Variants in TBRG1 observed in about 807,000 individuals in gnomAD.
TBRG1 encodes the protein transforming growth factor beta regulator 1.
Under a neutral mutation model 44.0 loss-of-function variants are expected in TBRG1, and 31 were observed. The observed-to-expected ratio is 0.70, with a 90% CI of 0.53 to 0.95. The LOEUF (loss-of-function observed/expected upper bound fraction) is 0.95. TBRG1 is among the 40% of genes least tolerant of loss of function. TBRG1 has a pLI of 0.00. For synonymous variants in TBRG1, 171 were observed against 188.1 expected (o/e 0.91, Z 0.74); for missense variants, 487 against 496.1 (o/e 0.98, Z 0.18).
Position 124,633,829 on chromosome 11 carries a change from A to G in TBRG1, c.*1591A>G, listed in dbSNP as rs1463032371. 2 of 152,238 alleles carry G rather than the reference A, an allele frequency of 1.3e-5. No homozygotes were observed. Among genetic ancestry groups the G allele is most frequent in the Admixed American group, 6.5e-5 (1 of 15,286 alleles). 9.4% of individuals were successfully genotyped at this position (152,238 alleles called of 1,614,324 possible). On this transcript the variant is annotated 3_prime_UTR_variant, in exon 9 of 9. Transcript: ENST00000441174. The stretch of plus-strand genomic sequence containing the variant: ...AAATGATATATGCTGCTTTTATCAT[A>G]TAACAAATATTTTCCCACTATTACA...
rs1942452218 is a variant in TBRG1, at chr11:124,625,699, C to T, written c.250C>T (p.Gln84Ter). Residue 84 changes from glutamine (Q) to a stop codon, truncating the protein, a stop_gained, in exon 3 of 9, where the codon CAG becomes TAG. Transcript: ENST00000441174. LOFTEE classifies it high-confidence loss of function. ...CTTGCTAAAGAAGCTCCTCCAGCTTCAGGCTCTAACTGAAGGGGAAGTACA... is the reference window on the plus strand; with the variant it reads ...CTTGCTAAAGAAGCTCCTCCAGCTTTAGGCTCTAACTGAAGGGGAAGTACA... ...RYLLKKLLQL[Q>*]ALTEGEVQAA... 1 of 1,552,550 alleles carries T rather than the reference C, an allele frequency of 6.4e-7. No homozygotes were observed. The highest frequency in any genetic ancestry group is 8.7e-7 in the Non-Finnish European group (1 of 1,147,370).
intron 6 of TBRG1, 25 bp from the exon 7 acceptor site, chr11:124,630,720 C>T (rs1346816979): frequency 6.5e-7 from 1 of 1,528,690 alleles, no homozygotes; most frequent in Admixed American, 1.8e-5. Flanking sequence ...AGCTCTCAAA[C>T]TAAAATTATC....
chr11:124,627,824 A>G lies in TBRG1; in HGVS notation c.738+774A>G, dbSNP rs144517953. On this transcript the variant is annotated intron_variant, in intron 5 of 8. Coordinates refer to ENST00000441174, the MANE Select transcript of TBRG1 (RefSeq NM_032811.3). ...GAAAGACTCATTATTGTAACGGTAT[A>G]CCATATTTATAATACATCTTTAAAT... Among the ~76,000 whole-genome samples, 18 of 152,204 alleles carry G rather than the reference A, an allele frequency of 1.2e-4. No homozygotes were observed. The East Asian group carries it at 2.7e-3, about 23-fold the overall frequency.
At chr11:124,631,648 C>G (rs1942613057) in intron 8 of TBRG1, 4 of 564,756 alleles carry the variant, frequency 7.1e-6, no homozygotes. Context: ...CAGGGTACCC[C>G]AGAAACTAAG....
At chr11:124,623,305 C>T in intron 1 of TBRG1, 72 bp downstream of exon 1, 1 of 1,495,500 alleles carries the variant, frequency 6.7e-7, no homozygotes, top group Non-Finnish European at 9.1e-7. Flanking sequence ...AAGCTGTTCC[C>T]CCTTCCCAGT....
Position 124,622,903 on chromosome 11 carries a change from A to G in TBRG1, c.-181A>G, listed in dbSNP as rs962457001. On this transcript the variant is annotated 5_prime_UTR_variant, in exon 1 of 9. Transcript: ENST00000441174. ...CACGGAAGTGCTGGGAGGCGCCGGGAGCCCGTTCGGTTGCGGGTGTCTCTG... is the reference window on the plus strand; with the variant it reads ...CACGGAAGTGCTGGGAGGCGCCGGGGGCCCGTTCGGTTGCGGGTGTCTCTG... The G allele has an allele frequency of 7.9e-5, 49 of 620,568 alleles. No individual in the cohort carries two copies. The highest frequency in any genetic ancestry group is 1.0e-4 in the Admixed American group (3 of 29,674). The allele number at this position is 620,568 out of a possible 1,614,324, so 38.4% of individuals were successfully genotyped here.
intron 3 of TBRG1, among the ~76,000 whole-genome samples, chr11:124,626,115 G>T (rs535684017): frequency 6.6e-6 from 1 of 152,292 alleles, no homozygotes; most frequent in South Asian, 2.1e-4. Context: ...TTAAATGCAA[G>T]GGGAGCAGAC....
chr11:124,623,011 G>A lies in TBRG1; in HGVS notation c.-73G>A. 1 of 1,438,564 alleles carries A rather than the reference G, an allele frequency of 7.0e-7. No homozygotes were observed. Among genetic ancestry groups the A allele is most frequent in the Non-Finnish European group, 9.2e-7 (1 of 1,089,488 alleles). The allele number at this position is 1,438,564 out of a possible 1,614,324, so 89.1% of individuals were successfully genotyped here. A position where few individuals can be genotyped will look rare whatever the true frequency, so the allele number is the denominator to read the frequency against. On this transcript the variant is annotated 5_prime_UTR_variant, in exon 1 of 9. Transcript: ENST00000441174. ...CGCTAGCCCGGAACAGACAAAGCCAGCGCTCCCGCCCGCTCCCCGACTTAG... is the reference window on the plus strand; with the variant it reads ...CGCTAGCCCGGAACAGACAAAGCCAACGCTCCCGCCCGCTCCCCGACTTAG...
At position 124,630,745 on chromosome 11, in the gene TBRG1, G is replaced by C. The variant is rs142077518; in HGVS notation, c.837G>C (p.Met279Ile). The C allele has an allele frequency of 2.8e-4, 441 of 1,600,072 alleles. No individual in the cohort carries two copies. Among genetic ancestry groups the C allele is most frequent in the Non-Finnish European group, 3.6e-4 (419 of 1,172,182 alleles). Residue 279 changes from methionine (M) to isoleucine (I), a missense_variant and splice_region_variant, in exon 7 of 9, where the codon ATG (methionine) becomes ATC (isoleucine). By Grantham distance (10) the Met-to-Ile change is conservative. Transcript: ENST00000441174. ...AELLRTISTT[M>I]GKLMPNLLPA... ...CTAAAATTATCCCTCTCCTGTTTAG[G>C]GGGAAACTAATGCCTAACCTGCTTC... is the stretch of plus-strand genomic sequence containing the variant.
intron 5 of TBRG1, among the ~76,000 whole-genome samples, chr11:124,627,831 T>C (rs1942505907): frequency 6.6e-6 from 1 of 152,030 alleles, no homozygotes; most frequent in Non-Finnish European, 1.5e-5. Context: ...TATACCATAT[T>C]TATAATACAT....
Position 124,626,427 on chromosome 11 carries a change from A to T in TBRG1, c.455-46A>T, listed in dbSNP as rs1438189942. ...CGTGCAAATTTATCCCTTCCCTTCAACATTGGAAGGGGCCTAAAGTGGGTG... is the reference window on the plus strand; with the variant it reads ...CGTGCAAATTTATCCCTTCCCTTCATCATTGGAAGGGGCCTAAAGTGGGTG... On this transcript the variant is annotated intron_variant, in intron 3 of 8. Coordinates refer to ENST00000441174, the MANE Select transcript of TBRG1 (RefSeq NM_032811.3). 65 of 1,471,334 alleles carry T rather than the reference A, an allele frequency of 4.4e-5. No individual in the cohort carries two copies. Among genetic ancestry groups the T allele is most frequent in the Non-Finnish European group, 3.9e-5 (43 of 1,104,136 alleles). 91.1% of individuals were successfully genotyped at this position (1,471,334 alleles called of 1,614,324 possible).
chr11:124,632,297 A>G lies in TBRG1; in HGVS notation c.*59A>G. On this transcript the variant is annotated 3_prime_UTR_variant, in exon 9 of 9. Coordinates refer to ENST00000441174, the MANE Select transcript of TBRG1 (RefSeq NM_032811.3). The stretch of plus-strand genomic sequence containing the variant: ...CGTGATTAATTTAACTTAAACTAAA[A>G]TTTTGGGTATATGAAAGAAGGCAGC... The G allele has an allele frequency of 6.5e-7, 1 of 1,533,492 alleles. No individual in the cohort carries two copies. The highest frequency in any genetic ancestry group is 8.9e-7 in the Non-Finnish European group (1 of 1,118,954). 95.0% of individuals were successfully genotyped at this position (1,533,492 alleles called of 1,614,324 possible).
chr11:124,629,475 T>G (rs1228873738), intron 5 of TBRG1, among the ~76,000 whole-genome samples: 1 of 152,212 alleles, frequency 6.6e-6, no homozygotes, highest in Non-Finnish European at 1.5e-5. Context: ...AAAACCACCA[T>G]TGATTGAAAC....
intron 2 of TBRG1, 72 bp from the exon 3 acceptor site, chr11:124,625,599 G>A: frequency 3.6e-6 from 5 of 1,383,840 alleles, no homozygotes; most frequent in Non-Finnish European, 4.9e-6. Flanking sequence ...GCTTTTCCCA[G>A]TACTTGAGTA....
chr11:124,633,284 A>C lies in TBRG1; in HGVS notation c.*1046A>C, dbSNP rs1942652099. 6.6e-6 allele frequency: 1 copy of C among 152,234 alleles called. No individual in the cohort carries two copies. Among genetic ancestry groups the C allele is most frequent in the Non-Finnish European group, 1.5e-5 (1 of 68,044 alleles). 9.4% of individuals were successfully genotyped at this position (152,234 alleles called of 1,614,324 possible). ...ATTAGCCATGTAATAATATAACTCCATGTTCCATGCAACTGGATTTTTGGA... is the reference window on the plus strand; with the variant it reads ...ATTAGCCATGTAATAATATAACTCCCTGTTCCATGCAACTGGATTTTTGGA... On this transcript the variant is annotated 3_prime_UTR_variant, in exon 9 of 9. Transcript: ENST00000441174.
chr11:124,623,149 G>A lies in TBRG1; in HGVS notation c.66G>A (p.Met22Ile). 2 of 1,551,650 alleles carry A rather than the reference G, an allele frequency of 1.3e-6. No individual in the cohort carries two copies. Among genetic ancestry groups the A allele is most frequent in the Non-Finnish European group, 1.7e-6 (2 of 1,147,014 alleles). ...RAPLQSSKAR[M>I]KKLPKKSQNE... ...CGCTGCAGTCCAGCAAGGCCAGGAT[G>A]AAAAAGCTCCCGAAGAAGAGCCAGA... is the stretch of plus-strand genomic sequence containing the variant. The change falls in exon 1 of 9, where the codon ATG (methionine) becomes ATA (isoleucine). Residue 22 changes from methionine to isoleucine, a missense_variant. Met to Ile is a conservative substitution (Grantham distance 10). Coordinates refer to ENST00000441174, the MANE Select transcript of TBRG1 (RefSeq NM_032811.3).
rs1454925018 is a variant in TBRG1 at position 124,634,567 on chromosome 11, A to G, written c.*2329A>G. 48 of 152,144 alleles carry G rather than the reference A, an allele frequency of 3.2e-4. No homozygotes were observed. Among genetic ancestry groups the G allele is most frequent in the Admixed American group, 3.1e-3 (48 of 15,282 alleles). The allele number at this position is 152,144 out of a possible 1,614,324, so 9.4% of individuals were successfully genotyped here. ...ATATTTATCCTCTTCCATGTTAAGA[A>G]CCCTAAGAAATAACTGGACGAGTGT... On this transcript the variant is annotated 3_prime_UTR_variant, in exon 9 of 9. Transcript: ENST00000441174.
At position 124,624,363 on chromosome 11, in the gene TBRG1, C is replaced by CAAA. The variant is rs61352898; in HGVS notation, c.151-550_151-548dup. The stretch of plus-strand genomic sequence containing the variant: ...GGGAGATAGATTGAGTCATCATTTA[C>CAAA]AAAAAAAAAAAAAAAAAAAAGAAAA... On this transcript the variant is annotated intron_variant, in intron 1 of 8. Transcript: ENST00000441174. Among the ~76,000 whole-genome samples, 410 of 83,528 alleles carry CAAA rather than the reference C, an allele frequency of 4.9e-3. 5 individuals carry two copies. Among genetic ancestry groups the CAAA allele is most frequent in the African/African-American group, 9.7e-3 (191 of 19,624 alleles). The allele number at this position is 83,528 out of a possible 152,430, so 54.8% of individuals were successfully genotyped here.
Position 124,632,398 on chromosome 11 carries a change from T to C in TBRG1, c.*160T>C. On this transcript the variant is annotated 3_prime_UTR_variant, in exon 9 of 9. Transcript: ENST00000441174. ...GGTGATGGTTTTCCCTGGGAAAACC[T>C]TCAGCTGCTTTATTTTTAGTAATAA... The C allele has an allele frequency of 2.0e-6, 1 of 506,730 alleles. No individual in the cohort carries two copies. The highest frequency in any genetic ancestry group is 3.5e-6 in the Non-Finnish European group (1 of 289,484). 31.4% of individuals were successfully genotyped at this position (506,730 alleles called of 1,614,324 possible). A position where few individuals can be genotyped will look rare whatever the true frequency, so the allele number is the denominator to read the frequency against.
Sources: allele counts gnomAD v4.1 joint callset (sites outside exome capture counted in the v4.1 genomes callset), GRCh38; gene constraint gnomAD v4.1.1; transcripts MANE v1.5; gene names NCBI Gene and HGNC (gene_info 2026-07-23, HGNC 2026-07-21).